SSU72: variants seen among roughly 807,000 people sequenced by gnomAD.
SSU72 encodes the protein RNA polymerase II subunit A C-terminal domain phosphatase SSU72.
Under a neutral mutation model 22.7 loss-of-function variants are expected in SSU72, and 12 were observed. That is an observed-to-expected ratio of 0.53 (90% CI 0.34 to 0.86). The LOEUF is 0.86. SSU72 is among the 40% of genes least tolerant of loss of function. The probability of loss-of-function intolerance (pLI) is 0.02; values close to 1 mark genes in which losing one functional copy is unlikely to be tolerated. For synonymous variants in SSU72, 116 were observed against 98.3 expected (o/e 1.18, Z -1.06); for missense variants, 151 against 249.8 (o/e 0.60, Z 2.67).
chr1:1,564,519 C>A, intron 2 of SSU72: 2 of 1,529,094 alleles, frequency 1.3e-6, no homozygotes, highest in Non-Finnish European at 1.8e-6. Context: ...ATGTCACGAC[C>A]CTCTGCTGAA....
At chr1:1,553,049 A>C (rs1449714074) in intron 2 of SSU72, among the ~76,000 whole-genome samples, 2 of 152,004 alleles carry the variant, frequency 1.3e-5, no homozygotes, top group Admixed American at 6.6e-5. Flanking sequence ...ATTACTTTTT[A>C]AAGTTTTCAA....
At chr1:1,551,336 C>G (rs1320840173) in intron 2 of SSU72, among the ~76,000 whole-genome samples, 1 of 152,236 alleles carries the variant, frequency 6.6e-6, no homozygotes, top group Non-Finnish European at 1.5e-5. Context: ...TCCAGCCTGC[C>G]AGGCATGGGG....
intron 1 of SSU72, 78 bp downstream of exon 1, chr1:1,574,400 C>A: frequency 6.8e-7 from 1 of 1,470,930 alleles, no homozygotes; most frequent in Admixed American, 2.1e-5. Context: ...GGTCCTGGCG[C>A]GGGCCAGGGG....
At chr1:1,555,048 GAC>G (rs1642503878) in intron 2 of SSU72, among the ~76,000 whole-genome samples, 1 of 152,180 alleles carries the variant, frequency 6.6e-6, no homozygotes, top group African/African-American at 2.4e-5. Context: ...TGCCCTGACA[GAC>G]ACACCCACGA....
intron 2 of SSU72, chr1:1,562,223 C>A: frequency 6.6e-6 from 1 of 151,866 alleles, no homozygotes; most frequent in East Asian, 1.9e-4. Context: ...TGAGCTTACA[C>A]CAATCAAGGG....
chr1:1,566,849 T>C (rs1343143578), intron 1 of SSU72, among the ~76,000 whole-genome samples: 1 of 115,146 alleles, frequency 8.7e-6, no homozygotes, highest in African/African-American at 5.2e-5. Flanking sequence ...AGCGAGACCC[T>C]GTCTCAAAAA....
chr1:1,573,962 C>T (rs1449664076), intron 1 of SSU72, among the ~76,000 whole-genome samples: 2 of 151,210 alleles, frequency 1.3e-5, no homozygotes, highest in African/African-American at 4.9e-5. Flanking sequence ...ACCAAGTCCA[C>T]GTTGTATTCC....
chr1:1,548,243 C>G (rs1373755371), intron 2 of SSU72, among the ~76,000 whole-genome samples: 22 of 152,192 alleles, frequency 1.4e-4, no homozygotes, highest in Non-Finnish European at 2.9e-5. Context: ...GGAGCCTCAG[C>G]TGAAGTTAAC....
At chr1:1,549,633 G>A (rs1416626089) in intron 2 of SSU72, among the ~76,000 whole-genome samples, 1 of 151,766 alleles carries the variant, frequency 6.6e-6, no homozygotes, top group Non-Finnish European at 1.5e-5. Flanking sequence ...GAGGTCAGGA[G>A]TTCGAGACCA....
intron 1 of SSU72, among the ~76,000 whole-genome samples, chr1:1,565,266 G>T (rs895589137): frequency 5.9e-5 from 9 of 152,110 alleles, no homozygotes; most frequent in African/African-American, 2.2e-4. Flanking sequence ...CCAGCTACTC[G>T]GGAGGCTGAG....
chr1:1,564,944 A>C, intron 1 of SSU72, 28 bp from the exon 2 acceptor site: 2 of 1,567,168 alleles, frequency 1.3e-6, no homozygotes, highest in Non-Finnish European at 1.7e-6. Context: ...AGAAAGAATC[A>C]CAGTCACACT....
chr1:1,571,063 G>C (rs1401065844), intron 1 of SSU72, among the ~76,000 whole-genome samples: 1 of 152,068 alleles, frequency 6.6e-6, no homozygotes, highest in Non-Finnish European at 1.5e-5. Flanking sequence ...GGCCAACACG[G>C]TGAAACCCTG....
chr1:1,573,558 G>A (rs1256459580), intron 1 of SSU72, among the ~76,000 whole-genome samples: 3 of 151,880 alleles, frequency 2.0e-5, no homozygotes, highest in Non-Finnish European at 4.4e-5. Context: ...CAGGTGATCC[G>A]CGTGCGTCGG....
At position 1,542,135 on chromosome 1, in the gene SSU72, G is replaced by A. The variant is rs200014584; in HGVS notation, c.516C>T (p.Ile172=). 85 of 1,593,124 alleles carry A rather than the reference G, an allele frequency of 5.3e-5. No homozygotes were observed. The highest frequency in any genetic ancestry group is 4.9e-4 in the Admixed American group (28 of 56,644). The part of the protein sequence containing the change: ...IQHTEDMENE[I]DELLQEFEEK... ...CCTCGAACTCCTGCAGCAGCTCGTC[G>A]ATCTCGTTCTCCATGTCTTCCGTGT... Residue 172 remains isoleucine, a synonymous_variant, in exon 5 of 5, where the codon ATC becomes ATT. Coordinates refer to ENST00000291386, the MANE Select transcript of SSU72 (RefSeq NM_014188.3). This position sits in a 1 kb window ranked among gnomAD's most constrained non-coding sequence, Gnocchi z 4.4.
intron 1 of SSU72, among the ~76,000 whole-genome samples, chr1:1,570,908 G>A (rs927224757): frequency 1.3e-5 from 2 of 151,560 alleles, no homozygotes; most frequent in South Asian, 4.2e-4. Context: ...TCAGGAGATC[G>A]AGACCACCCT....
rs558590603 is a variant in SSU72, at chr1:1,547,906, A to T, written c.225-2904T>A. ...CACCTGCGCCGCCCAGGTCCTGCAG[A>T]AGTCCCACTGACGCAAAGCGTTCGA... On this transcript the variant is annotated intron_variant, in intron 2 of 4. Coordinates refer to ENST00000291386, the MANE Select transcript of SSU72 (RefSeq NM_014188.3). 3.3e-5 allele frequency among the ~76,000 whole-genome samples: 5 copies of T among 152,358 alleles called. No individual in the cohort carries two copies. In the East Asian group the frequency reaches 5.8e-4, roughly 18 times the overall value.
intron 1 of SSU72, among the ~76,000 whole-genome samples, chr1:1,566,814 A>G (rs1642667688): frequency 6.6e-6 from 1 of 151,810 alleles, no homozygotes; most frequent in Admixed American, 6.6e-5. Flanking sequence ...AGATCGCGCC[A>G]CTGCACTCCA....
At chr1:1,547,763 G>A (rs1480824778) in intron 2 of SSU72, among the ~76,000 whole-genome samples, 3 of 152,186 alleles carry the variant, frequency 2.0e-5, no homozygotes, top group Admixed American at 2.0e-4. Context: ...GCCTGCGTGC[G>A]AGAGCCTGCT....
chr1:1,564,405 C>G, intron 2 of SSU72: 1 of 1,397,852 alleles, frequency 7.2e-7, no homozygotes, highest in African/African-American at 1.4e-5. Context: ...CACACACGCA[C>G]GCACACCAAC....
Sources: allele counts gnomAD v4.1 joint callset (sites outside exome capture counted in the v4.1 genomes callset), GRCh38; gene constraint gnomAD v4.1.1; non-coding constraint Gnocchi (gnomAD v3.1); transcripts MANE v1.5; gene names NCBI Gene and HGNC (gene_info 2026-07-23, HGNC 2026-07-21).